The following EPHB6 variants were observed in gnomAD, a reference collection of about 807,000 sequenced individuals.
EPHB6 encodes the protein ephrin type-B receptor 6.
In EPHB6, 51 loss-of-function variants were observed where a neutral mutation model predicts 107.0. That is an observed-to-expected ratio of 0.48 (90% CI 0.38 to 0.60). EPHB6 has a LOEUF of 0.60. Ranked by LOEUF, EPHB6 falls within the 20% of genes least tolerant of loss-of-function variation. The pLI is 0.00. For missense variants in EPHB6, 1,141 were observed against 1,355.5 expected (o/e 0.84, Z 2.48); for synonymous variants, 553 against 549.0 (o/e 1.01, Z -0.10).
intron 1 of EPHB6, among the ~76,000 whole-genome samples, chr7:142,858,584 C>T (rs991877211): frequency 2.9e-4 from 43 of 148,576 alleles, no homozygotes; most frequent in Admixed American, 4.1e-4. Context: ...TACAGGCACA[C>T]GCCACCACGC....
intron 5 of EPHB6, 48 bp downstream of exon 5, chr7:142,863,375 A>G (rs771186461): frequency 1.9e-6 from 3 of 1,554,106 alleles, no homozygotes; most frequent in Middle Eastern, 1.7e-4. Flanking sequence ...ATAGAGACCC[A>G]GTGAAAGGGG....
At chr7:142,863,405 A>G in intron 5 of EPHB6, 78 bp downstream of exon 5, 1 of 1,430,654 alleles carries the variant, frequency 7.0e-7, no homozygotes. Context: ...AAGATTTAGA[A>G]AAGGTAGATA....
rs776219401 is a variant in EPHB6, at chr7:142,870,944, G to A, written c.*40G>A. 51 of 1,579,708 alleles carry A rather than the reference G, an allele frequency of 3.2e-5. No individual in the cohort carries two copies. Among genetic ancestry groups the A allele is most frequent in the Admixed American group, 5.1e-5 (3 of 58,750 alleles). On this transcript the variant is annotated 3_prime_UTR_variant, in exon 20 of 20. Coordinates refer to ENST00000652003, the MANE Select transcript of EPHB6 (RefSeq NM_004445.6). ...GTGACTCAGCCCTGGACACTGGTCC[G>A]AGAAGGGACATGTGGGACGTGAGCC...
In EPHB6 at chr7:142,867,705, G is replaced by A. The variant is rs1204861680; in HGVS notation, c.1848G>A (p.Leu616=). ...TCCTGCTGGCAGCCATCACCGTGCT[G>A]GCGGTCGTCTTCCAGCGGTGAGTCC... ...AFLLLAAITV[L]AVVFQRKRRG... The change falls in exon 12 of 20, where the codon CTG becomes CTA. Residue 616 remains leucine (L), a synonymous_variant. Transcript: ENST00000652003. This position sits in a 1 kb window ranked among gnomAD's most constrained non-coding sequence, Gnocchi z 5.3. 2 of 1,612,326 alleles carry A rather than the reference G, an allele frequency of 1.2e-6. No individual in the cohort carries two copies. Among genetic ancestry groups the A allele is most frequent in the Non-Finnish European group, 1.7e-6 (2 of 1,179,716 alleles).
rs146734346 is a variant in EPHB6 at position 142,869,071 on chromosome 7, G to A, written c.2384G>A (p.Arg795His). The A allele has an allele frequency of 6.5e-5, 105 of 1,613,464 alleles. No homozygotes were observed. The highest frequency in any genetic ancestry group is 1.6e-4 in the Middle Eastern group (1 of 6,084). Residue 795 changes from arginine to histidine, a missense_variant, in exon 16 of 20, where the codon CGC (arginine) becomes CAC (histidine). Arg to His is a conservative substitution (Grantham distance 29, BLOSUM62 0). Around this residue, in one of 3 missense-constraint regions of EPHB6, gnomAD observed 616 missense variants for 759.3 expected, o/e 0.81. Coordinates refer to ENST00000652003, the MANE Select transcript of EPHB6 (RefSeq NM_004445.6). The surrounding 1 kb of genome is among the most constrained non-coding windows in gnomAD (Gnocchi z 4.5). ...QYLSSFAFVH[R>H]SLSAHSVLVN... Reference sequence around the variant, plus strand: ...CTGTCCAGCTTTGCCTTCGTCCATCGCTCGCTGTCTGCCCACAGCGTGCTG... The same window carrying A: ...CTGTCCAGCTTTGCCTTCGTCCATCACTCGCTGTCTGCCCACAGCGTGCTG...
Position 142,869,003 on chromosome 7 carries a change from G to T in EPHB6, c.2316G>T (p.Gln772His). The change falls in exon 16 of 20, where the codon CAG (glutamine) becomes CAT (histidine). Residue 772 changes from glutamine (Q) to histidine (H), a missense_variant. Transcript: ENST00000652003. This position sits in a 1 kb window ranked among gnomAD's most constrained non-coding sequence, Gnocchi z 4.5. ...GGGAGGGCCAGTTCAGCAGCCTGCA[G>T]CTGGTGGCCATGCAGCGGGGAGTGG... ...RQREGQFSSL[Q>H]LVAMQRGVAA... 2 of 1,611,396 alleles carry T rather than the reference G, an allele frequency of 1.2e-6. No homozygotes were observed.
chr7:142,861,943 A>G (rs1055749821), intron 2 of EPHB6, 74 bp from the exon 3 acceptor site: 10 of 152,262 alleles, frequency 6.6e-5, no homozygotes, highest in Non-Finnish European at 1.3e-4. Context: ...ATGGTGTCTT[A>G]GGCAACTGTG....
chr7:142,864,430 C>A lies in EPHB6; in HGVS notation c.630C>A (p.Phe210Leu). Residue 210 changes from phenylalanine to leucine, a missense_variant, in exon 7 of 20, where the codon TTC becomes TTA. Coordinates refer to ENST00000652003, the MANE Select transcript of EPHB6 (RefSeq NM_004445.6). ...RSFGPLTQRGFYVAFQDTGAC... is the reference protein window; with the variant it reads ...RSFGPLTQRGLYVAFQDTGAC... ...TTGGGCCTCTCACCCAACGCGGCTT[C>A]TACGTGGCCTTCCAGGACACGGGGG... The A allele has an allele frequency of 1.2e-6, 2 of 1,612,260 alleles. No homozygotes were observed. The highest frequency in any genetic ancestry group is 1.7e-6 in the Non-Finnish European group (2 of 1,179,270).
At chr7:142,859,847 T>G (rs1232647056) in intron 1 of EPHB6, among the ~76,000 whole-genome samples, 1 of 152,246 alleles carries the variant, frequency 6.6e-6, no homozygotes, top group Non-Finnish European at 1.5e-5. Flanking sequence ...TGCTGTTTCT[T>G]GATGGCAGAA....
chr7:142,868,473 C>G lies in EPHB6; in HGVS notation c.2039-19C>G, dbSNP rs931160663. On this transcript the variant is annotated intron_variant, in intron 14 of 19. Coordinates refer to ENST00000652003, the MANE Select transcript of EPHB6 (RefSeq NM_004445.6). The surrounding 1 kb of genome is among the most constrained non-coding windows in gnomAD (Gnocchi z 4.2). ...CTGTGAGCCTTGATCCCCACCCCAA[C>G]CTACACCTATTTTCCCAGGCTCTTT... The G allele has an allele frequency of 6.2e-7, 1 of 1,613,962 alleles. No homozygotes were observed. Among genetic ancestry groups the G allele is most frequent in the African/African-American group, 1.3e-5 (1 of 74,872 alleles).
At position 142,863,159 on chromosome 7, in the gene EPHB6, C is replaced by T. The variant is rs952160730; in HGVS notation, c.-69C>T. On this transcript the variant is annotated 5_prime_UTR_variant, in exon 5 of 20. Transcript: ENST00000652003. ...GCTTAGCTGTACACCCTGAGTCTTG[C>T]AAAAGCTGCAGCCCCACCCAGGAGC... is the stretch of plus-strand genomic sequence containing the variant. The T allele has an allele frequency of 7.1e-7, 1 of 1,414,474 alleles. No homozygotes were observed. The highest frequency in any genetic ancestry group is 1.8e-5 in the Admixed American group (1 of 55,624). 87.6% of individuals were successfully genotyped at this position (1,414,474 alleles called of 1,614,324 possible). A position where few individuals can be genotyped will look rare whatever the true frequency, so the allele number is the denominator to read the frequency against.
rs1221128399 is a variant in EPHB6 at position 142,856,111 on chromosome 7, G to A, written c.-432+726G>A. Among the ~76,000 whole-genome samples the A allele has an allele frequency of 2.6e-5, 4 of 152,200 alleles. No individual in the cohort carries two copies. The South Asian group carries it at 8.3e-4, about 31-fold the overall frequency. On this transcript the variant is annotated intron_variant, in intron 1 of 19. Coordinates refer to ENST00000652003, the MANE Select transcript of EPHB6 (RefSeq NM_004445.6). ...GCAATGTTGTAATGTCCCTGGCAGC[G>A]CCCATGGAGCGGAGCTGCTGGGTCT...
chr7:142,869,011 C>G lies in EPHB6; in HGVS notation c.2324C>G (p.Ala775Gly). The G allele has an allele frequency of 6.2e-7, 1 of 1,611,766 alleles. No homozygotes were observed. Among genetic ancestry groups the G allele is most frequent in the Non-Finnish European group, 8.5e-7 (1 of 1,179,916 alleles). Residue 775 changes from alanine (A) to glycine (G), a missense_variant, in exon 16 of 20, where the codon GCC (alanine) becomes GGC (glycine). Ala to Gly is a moderately conservative substitution (Grantham distance 60). This residue lies in a region of EPHB6 where 616 missense variants were observed against 759.3 expected (regional missense o/e 0.81). Transcript: ENST00000652003. The surrounding 1 kb of genome is among the most constrained non-coding windows in gnomAD (Gnocchi z 4.5). ...CAGTTCAGCAGCCTGCAGCTGGTGGCCATGCAGCGGGGAGTGGCTGCTGCC... is the reference window on the plus strand; with the variant it reads ...CAGTTCAGCAGCCTGCAGCTGGTGGGCATGCAGCGGGGAGTGGCTGCTGCC... Reference protein sequence around the residue: ...EGQFSSLQLVAMQRGVAAAMQ... With the variant: ...EGQFSSLQLVGMQRGVAAAMQ...
rs2116362801 is a variant in EPHB6 at position 142,855,823 on chromosome 7, TC to T, written c.-432+442del. Among the ~76,000 whole-genome samples the T allele has an allele frequency of 6.6e-6, 1 of 152,074 alleles. No individual in the cohort carries two copies. The highest frequency in any genetic ancestry group is 1.9e-4 in the East Asian group (1 of 5,162). ...GGCTGACCACACACCTGTCCCCTGCTCCCCACAAGGCACTGTCCCCCCCAGC... is the reference window on the plus strand; with the variant it reads ...GGCTGACCACACACCTGTCCCCTGCTCCCACAAGGCACTGTCCCCCCCAGC... On this transcript the variant is annotated intron_variant, in intron 1 of 19. Coordinates refer to ENST00000652003, the MANE Select transcript of EPHB6 (RefSeq NM_004445.6). This position sits in a 1 kb window ranked among gnomAD's most constrained non-coding sequence, Gnocchi z 4.2.
At position 142,864,197 on chromosome 7, in the gene EPHB6, C is replaced by G. The variant is rs1308483935; in HGVS notation, c.397C>G (p.Arg133Gly). 6.2e-7 allele frequency: 1 copy of G among 1,613,784 alleles called. No homozygotes were observed. Among genetic ancestry groups the G allele is most frequent in the Non-Finnish European group, 8.5e-7 (1 of 1,180,050 alleles). Reference sequence around the variant, plus strand: ...CCGGGAGACCTTCACCCTTTACTACCGTCAGGCTGAGGAGCCCGACAGCCC... The same window carrying G: ...CCGGGAGACCTTCACCCTTTACTACGGTCAGGCTGAGGAGCCCGACAGCCC... ...TCRETFTLYY[R>G]QAEEPDSPDS... is the part of the protein sequence containing the mutation. Residue 133 changes from arginine to glycine, a missense_variant, in exon 7 of 20, where the codon CGT (arginine) becomes GGT (glycine). Coordinates refer to ENST00000652003, the MANE Select transcript of EPHB6 (RefSeq NM_004445.6).
chr7:142,858,082 G>A (rs896095689), intron 1 of EPHB6, among the ~76,000 whole-genome samples: 2 of 152,184 alleles, frequency 1.3e-5, no homozygotes, highest in Admixed American at 1.3e-4. Flanking sequence ...TTAATTATGA[G>A]ATTTTACGTT....
rs1794753802 is a variant in EPHB6, at chr7:142,868,902, C to G, written c.2287-72C>G. 6 of 1,575,138 alleles carry G rather than the reference C, an allele frequency of 3.8e-6. No homozygotes were observed. In the South Asian group the frequency reaches 6.8e-5, roughly 18 times the overall value. ...CACCCTCCCGCTCTCATGCTGTTGTCTGCTATGCAGTATGTTGAGGTCTCC... is the reference window on the plus strand; with the variant it reads ...CACCCTCCCGCTCTCATGCTGTTGTGTGCTATGCAGTATGTTGAGGTCTCC... On this transcript the variant is annotated intron_variant, in intron 15 of 19. Coordinates refer to ENST00000652003, the MANE Select transcript of EPHB6 (RefSeq NM_004445.6). This position sits in a 1 kb window ranked among gnomAD's most constrained non-coding sequence, Gnocchi z 4.2.
chr7:142,866,220 C>T lies in EPHB6; in HGVS notation c.1366C>T (p.Pro456Ser). 6.2e-7 allele frequency: 1 copy of T among 1,614,110 alleles called. No homozygotes were observed. Among genetic ancestry groups the T allele is most frequent in the Non-Finnish European group, 8.5e-7 (1 of 1,180,010 alleles). Residue 456 changes from proline (P) to serine (S), a missense_variant, in exon 9 of 20, where the codon CCC (proline) becomes TCC (serine). Coordinates refer to ENST00000652003, the MANE Select transcript of EPHB6 (RefSeq NM_004445.6). The surrounding 1 kb of genome is among the most constrained non-coding windows in gnomAD (Gnocchi z 5.2). ...VLVGGLRAHV[P>S]YILEVQAVNG... Reference sequence around the variant, plus strand: ...AGTGGGGGGACTCCGGGCACACGTACCCTACATCTTAGAGGTGCAGGCTGT... The same window carrying T: ...AGTGGGGGGACTCCGGGCACACGTATCCTACATCTTAGAGGTGCAGGCTGT...
chr7:142,858,979 T>C (rs1327463875), intron 1 of EPHB6, among the ~76,000 whole-genome samples: 3 of 152,248 alleles, frequency 2.0e-5, no homozygotes, highest in South Asian at 2.1e-4. Flanking sequence ...CCTAAAACTT[T>C]GTCTAATCCG....
Sources: allele counts gnomAD v4.1 joint callset (sites outside exome capture counted in the v4.1 genomes callset), GRCh38; gene constraint gnomAD v4.1.1; regional missense constraint gnomAD v4.1.1; non-coding constraint Gnocchi (gnomAD v3.1); transcripts MANE v1.5; gene names NCBI Gene and HGNC (gene_info 2026-07-23, HGNC 2026-07-21).